The following NALF1 variants were observed in gnomAD, a reference collection of about 807,000 sequenced individuals.
NALF1 encodes the protein family with sequence similarity 155 member A.
A neutral mutation model predicts 48.4 loss-of-function variants in NALF1; 3 were observed. That is an observed-to-expected ratio of 0.06 (90% confidence interval 0.03 to 0.16). The LOEUF is 0.16. NALF1 is among the 10% of genes least tolerant of loss of function. The pLI, the probability that NALF1 is intolerant of heterozygous loss-of-function variation, is 1.00. For missense variants in NALF1, 526 were observed against 571.5 expected (o/e 0.92, Z 0.81); for synonymous variants, 262 against 245.7 (o/e 1.07, Z -0.62).
At chr13:107,373,344 C>G (rs563015435) in intron 1 of NALF1, among the ~76,000 whole-genome samples, 1 of 152,132 alleles carries the variant, frequency 6.6e-6, no homozygotes, top group Admixed American at 6.5e-5. Context: ...ATGTTGAGAC[C>G]TGGAGAAGGA....
At chr13:107,384,400 C>A (rs1040926468) in intron 1 of NALF1, among the ~76,000 whole-genome samples, 3 of 152,086 alleles carry the variant, frequency 2.0e-5, no homozygotes, top group African/African-American at 7.2e-5. Flanking sequence ...ATACAGTCTG[C>A]AAGTTTAGTA....
At chr13:107,626,678 A>C (rs1275201470) in intron 1 of NALF1, among the ~76,000 whole-genome samples, 1 of 151,956 alleles carries the variant, frequency 6.6e-6, no homozygotes, top group African/African-American at 2.4e-5. Context: ...GAAATAATCC[A>C]AGCACAGAAA....
At chr13:107,703,996 T>G (rs371095479) in intron 1 of NALF1, among the ~76,000 whole-genome samples, 1 of 152,208 alleles carries the variant, frequency 6.6e-6, no homozygotes, top group Non-Finnish European at 1.5e-5. Context: ...TGGCTGTCTA[T>G]AGAATGCCAG....
intron 1 of NALF1, among the ~76,000 whole-genome samples, chr13:107,533,628 G>C (rs915864012): frequency 1.3e-5 from 2 of 152,118 alleles, no homozygotes; most frequent in African/African-American, 2.4e-5. Flanking sequence ...TTTAATAACT[G>C]TTCAAATTAG....
chr13:107,694,554 A>G (rs190978551), intron 1 of NALF1, among the ~76,000 whole-genome samples: 348 of 152,270 alleles, frequency 2.3e-3, no homozygotes, highest in African/African-American at 8.0e-3. Flanking sequence ...GGGACCCCAC[A>G]AAAAAGTATT....
chr13:107,170,569 T>C lies in NALF1; in HGVS notation c.1305A>G (p.Ala435=), dbSNP rs141380144. The C allele has an allele frequency of 3.8e-3, 6,131 of 1,614,176 alleles. 34 individuals are homozygous for C. The highest frequency in any genetic ancestry group is 0.016 in the Middle Eastern group (95 of 6,062). ...AGCTCAGTCCGGCTGTGTTCTGTGC[T>C]GCCGAGGCTGTGAGCACTGTGTGTA... ...ILLHTVLTAS[A]AQNTAGLSFG... is the part of the protein sequence containing the mutation. The change falls in exon 3 of 3, where the codon GCA becomes GCG. Residue 435 remains alanine, a synonymous_variant. Coordinates refer to ENST00000375915, the MANE Select transcript of NALF1 (RefSeq NM_001080396.3).
chr13:107,835,306 A>G (rs925612854), intron 1 of NALF1: 3 of 152,168 alleles, frequency 2.0e-5, no homozygotes, highest in African/African-American at 4.8e-5. Context: ...ACTGTCCTCC[A>G]TATCTCCCCT....
intron 1 of NALF1, among the ~76,000 whole-genome samples, chr13:107,401,935 C>T (rs894210861): frequency 6.6e-6 from 1 of 152,126 alleles, no homozygotes; most frequent in Middle Eastern, 3.2e-3. Flanking sequence ...TCATTACACT[C>T]ATATCATTTC....
intron 1 of NALF1, among the ~76,000 whole-genome samples, chr13:107,493,007 A>C (rs1375269571): frequency 6.6e-6 from 1 of 152,208 alleles, no homozygotes. Context: ...AATTTTGTGC[A>C]ACAGTGGATC....
chr13:107,794,762 A>T (rs1413979224), intron 1 of NALF1, among the ~76,000 whole-genome samples: 2 of 152,000 alleles, frequency 1.3e-5, no homozygotes, highest in African/African-American at 4.8e-5. Flanking sequence ...CTTCTACCAC[A>T]TAGGAAGCAC....
chr13:107,599,456 T>C (rs1469522278), intron 1 of NALF1, among the ~76,000 whole-genome samples: 4 of 151,620 alleles, frequency 2.6e-5, no homozygotes, highest in African/African-American at 7.3e-5. Flanking sequence ...TATTAGGGTA[T>C]GGTGTATCCA....
In NALF1 at chr13:107,561,487, T is replaced by C. The variant is rs182453838; in HGVS notation, c.915+304195A>G. ...AACTATTATTTGTCAGAGTATCATA[T>C]CGGAAGGACTCAGCGTCTGTCTCCT... On this transcript the variant is annotated intron_variant, in intron 1 of 2. Transcript: ENST00000375915. Among the ~76,000 whole-genome samples the C allele has an allele frequency of 1.6e-3, 240 of 152,342 alleles. 1 individual carries two copies. Among genetic ancestry groups the C allele is most frequent in the Non-Finnish European group, 2.0e-3 (138 of 68,036 alleles).
chr13:107,725,565 C>G (rs1272390658), intron 1 of NALF1, among the ~76,000 whole-genome samples: 2 of 152,012 alleles, frequency 1.3e-5, no homozygotes, highest in Non-Finnish European at 2.9e-5. Flanking sequence ...ACAAAAATTA[C>G]CTGGGCGCAG....
intron 1 of NALF1, among the ~76,000 whole-genome samples, chr13:107,328,856 G>A (rs1882415349): frequency 6.6e-6 from 1 of 152,236 alleles, no homozygotes; most frequent in Non-Finnish European, 1.5e-5. Flanking sequence ...GCAGAATCTT[G>A]AACCATCACA....
chr13:107,268,289 AT>A (rs1173357767), intron 1 of NALF1, among the ~76,000 whole-genome samples: 1 of 151,902 alleles, frequency 6.6e-6, no homozygotes, highest in Non-Finnish European at 1.5e-5. Flanking sequence ...CACCCAGCCT[AT>A]TTCTGGAATT....
intron 1 of NALF1, among the ~76,000 whole-genome samples, chr13:107,547,121 T>C (rs1009147184): frequency 1.1e-4 from 17 of 152,218 alleles, no homozygotes; most frequent in Admixed American, 1.3e-4. Flanking sequence ...ATGATGAGCA[T>C]TGATAATCAT....
chr13:107,195,056 G>T (rs1879362069), intron 2 of NALF1, among the ~76,000 whole-genome samples: 1 of 152,114 alleles, frequency 6.6e-6, no homozygotes, highest in Non-Finnish European at 1.5e-5. Context: ...TATTCAAAAA[G>T]TCAAAAAACA....
At chr13:107,534,455 T>C (rs184054112) in intron 1 of NALF1, among the ~76,000 whole-genome samples, 1 of 152,248 alleles carries the variant, frequency 6.6e-6, no homozygotes, top group Admixed American at 6.5e-5. Context: ...AATACTAATG[T>C]TATTTTTTGT....
intron 1 of NALF1, among the ~76,000 whole-genome samples, chr13:107,306,578 T>C (rs1881940706): frequency 6.6e-6 from 1 of 152,146 alleles, no homozygotes; most frequent in Non-Finnish European, 1.5e-5. Context: ...ACAACAAAAA[T>C]GAACGACATT....
Sources: gnomAD v4.1 joint callset for allele counts (sites outside exome capture counted in the v4.1 genomes callset) on GRCh38, gnomAD v4.1.1 for gene constraint, MANE v1.5 for transcripts, NCBI Gene and HGNC (gene_info 2026-07-23, HGNC 2026-07-21) for gene names.